The following ADCY7 variants were observed in gnomAD, a reference collection of about 807,000 sequenced individuals.
The protein encoded by ADCY7 is adenylate cyclase type 7.
In ADCY7, 72 loss-of-function variants were observed where a neutral mutation model predicts 120.6. The ratio of observed to expected loss-of-function variants is 0.60; its 90% confidence interval spans 0.49 to 0.73. The LOEUF (loss-of-function observed/expected upper bound fraction) is 0.73. Ranked by LOEUF, ADCY7 falls within the 30% of genes least tolerant of loss-of-function variation. The pLI, the probability that ADCY7 is intolerant of heterozygous loss-of-function variation, is 0.00. For synonymous variants in ADCY7, 661 were observed against 628.0 expected, an observed-to-expected ratio of 1.05 and a Z score of -0.78; for missense variants, 1,227 against 1,486.0, an observed-to-expected ratio of 0.83 and a Z score of 2.87.
intron 1 of ADCY7, among the ~76,000 whole-genome samples, chr16:50,273,245 A>G (rs902845094): frequency 2.0e-5 from 3 of 152,202 alleles, no homozygotes; most frequent in African/African-American, 7.2e-5. Context: ...ACTGAGGCCC[A>G]GAGAGGTTCA....
intron 10 of ADCY7, among the ~76,000 whole-genome samples, chr16:50,302,453 G>A (rs1411245649): frequency 1.3e-5 from 2 of 152,226 alleles, no homozygotes; most frequent in African/African-American, 4.8e-5. Flanking sequence ...ACTGCAGGCT[G>A]CCTGGGCCGA....
At chr16:50,278,700 A>T (rs2034057050) in intron 1 of ADCY7, among the ~76,000 whole-genome samples, 1 of 152,160 alleles carries the variant, frequency 6.6e-6, no homozygotes, top group South Asian at 2.1e-4. Flanking sequence ...TAATCCTGGT[A>T]TAAGTTGTGA....
At chr16:50,267,918 A>G (rs10852608) in intron 1 of ADCY7, among the ~76,000 whole-genome samples, 150,130 of 152,144 alleles carry the variant, frequency 0.99, 74,099 homozygotes, top group East Asian at 1. Flanking sequence ...CTTCCCACCC[A>G]GTTGTCTGTC....
chr16:50,307,124 C>A lies in ADCY7; in HGVS notation c.1827C>A (p.Leu609=). 1 of 1,612,102 alleles carries A rather than the reference C, an allele frequency of 6.2e-7. No individual in the cohort carries two copies. Among genetic ancestry groups the A allele is most frequent in the Non-Finnish European group, 8.5e-7 (1 of 1,180,002 alleles). ...GCCTGATCTTCGTCTGCATCCTGCT[C>A]GTCCATGTCCTGCTCATGCCCAGGT... ...CASLIFVCIL[L]VHVLLMPRTA... Residue 609 remains leucine (L), a synonymous_variant, in exon 15 of 26, where the codon CTC becomes CTA. Transcript: ENST00000673801.
At position 50,297,129 on chromosome 16, in the gene ADCY7, G is replaced by A. The variant is rs939230509; in HGVS notation, c.949-1775G>A. 1.3e-5 allele frequency among the ~76,000 whole-genome samples: 2 copies of A among 152,264 alleles called. No individual in the cohort carries two copies. The highest frequency in any genetic ancestry group is 4.8e-5 in the African/African-American group (2 of 41,470). ...CTATTGCACAGATGGGGAAAGGGAG[G>A]CCATGGCAGGTGCCAGCTTCCCAGT... is the stretch of plus-strand genomic sequence containing the variant. On this transcript the variant is annotated intron_variant, in intron 7 of 25. Transcript: ENST00000673801. The surrounding 1 kb of genome is among the most constrained non-coding windows in gnomAD (Gnocchi z 4.4).
chr16:50,261,141 C>T (rs577291140), intron 1 of ADCY7, among the ~76,000 whole-genome samples: 2 of 152,216 alleles, frequency 1.3e-5, no homozygotes, highest in Admixed American at 6.5e-5. Context: ...CCTCCATATA[C>T]GCTAGTTGTG....
In ADCY7 at chr16:50,315,487, G is replaced by C. The variant is rs1567587639; in HGVS notation, c.3225G>C (p.Gln1075His). The change falls in exon 26 of 26, where the codon CAG (glutamine) becomes CAC (histidine). Residue 1075 changes from glutamine (Q) to histidine (H), a missense_variant. Physicochemically the swap from Gln to His is conservative, Grantham distance 24. Coordinates refer to ENST00000673801, the MANE Select transcript of ADCY7 (RefSeq NM_001114.5). ...TCTGTACGGACACTGCCAAGTTTCA[G>C]GGGCTGGGGCTGAACTGAGGGCTCC... Reference protein sequence around the residue: ...YFVCTDTAKFQGLGLN With the variant: ...YFVCTDTAKFHGLGLN 6.2e-7 allele frequency: 1 copy of C among 1,612,984 alleles called. No individual in the cohort carries two copies. The highest frequency in any genetic ancestry group is 8.5e-7 in the Non-Finnish European group (1 of 1,178,988).
intron 1 of ADCY7, 68 bp from the exon 2 acceptor site, chr16:50,287,844 C>G (rs895549216): frequency 4.4e-5 from 13 of 295,604 alleles, no homozygotes; most frequent in Non-Finnish European, 5.6e-5. Context: ...GGGCCCCGCT[C>G]TCCCTGATGC....
At chr16:50,251,329 C>T (rs1226133404) in intron 1 of ADCY7, among the ~76,000 whole-genome samples, 3 of 152,218 alleles carry the variant, frequency 2.0e-5, no homozygotes, top group Admixed American at 6.5e-5. Flanking sequence ...CTTAAAACAG[C>T]CTCTGGCACT....
chr16:50,284,389 C>T (rs1027618070), intron 1 of ADCY7, among the ~76,000 whole-genome samples: 3 of 152,230 alleles, frequency 2.0e-5, no homozygotes, highest in African/African-American at 7.2e-5. Context: ...TGTGTTCCCA[C>T]GGGCCCTTGG....
chr16:50,247,912 G>A (rs1371764253), intron 1 of ADCY7, among the ~76,000 whole-genome samples: 2 of 152,150 alleles, frequency 1.3e-5, no homozygotes, highest in African/African-American at 2.4e-5. Context: ...TTACAGAGGA[G>A]AGCAGGGAGA....
chr16:50,287,928 G>A lies in ADCY7; in HGVS notation c.-252G>A. The A allele has an allele frequency of 4.6e-6, 2 of 437,274 alleles. No individual in the cohort carries two copies. The highest frequency in any genetic ancestry group is 3.7e-5 in the East Asian group (1 of 27,234). 27.1% of individuals were successfully genotyped at this position (437,274 alleles called of 1,614,324 possible). ...TCTCCGCAGAGCTGAGGAACTGCGT[G>A]TGGAGTCAGCCCAGTCTGGATGCAC... On this transcript the variant is annotated 5_prime_UTR_variant, in exon 2 of 26. It adds an upstream start codon to the 5' untranslated region. Coordinates refer to ENST00000673801, the MANE Select transcript of ADCY7 (RefSeq NM_001114.5).
At chr16:50,300,518 C>G (rs1596947183) in intron 8 of ADCY7, among the ~76,000 whole-genome samples, 197 bp from the exon 9 acceptor site, 2 of 152,214 alleles carry the variant, frequency 1.3e-5, no homozygotes, top group Non-Finnish European at 2.9e-5. Flanking sequence ...TGTGGCCACA[C>G]CTACTTGTAT....
rs376106152 is a variant in ADCY7 at position 50,314,982 on chromosome 16, C to T, written c.2972-32C>T. On this transcript the variant is annotated intron_variant, in intron 24 of 25. Transcript: ENST00000673801. The stretch of plus-strand genomic sequence containing the variant: ...GGGCAGAAGCTTGAGGCTTTGCCTG[C>T]ACGCTTGGGTAACTGTAAACATCAT... The T allele has an allele frequency of 1.7e-5, 28 of 1,612,720 alleles. No individual in the cohort carries two copies. The African/African-American group carries it at 2.4e-4, about 14-fold the overall frequency.
At chr16:50,245,508 A>AT (rs1041726049), upstream of ADCY7, among the ~76,000 whole-genome samples, 9 of 152,108 alleles carry the variant, frequency 5.9e-5, no homozygotes, top group South Asian at 2.1e-4. Flanking sequence ...AACAGAGCAG[A>AT]TTTTTTTTCT....
intron 1 of ADCY7, among the ~76,000 whole-genome samples, chr16:50,253,506 G>A (rs545188534): frequency 6.6e-6 from 1 of 152,224 alleles, no homozygotes; most frequent in Non-Finnish European, 1.5e-5. Context: ...CCCCTGCCGT[G>A]GCCTCCCAAA....
At chr16:50,308,439 C>T (rs767900643) in intron 16 of ADCY7, 28 bp downstream of exon 16, 1 of 1,613,302 alleles carries the variant, frequency 6.2e-7, no homozygotes, top group South Asian at 1.1e-5. Context: ...GCCCCGCGGG[C>T]CCTCCCTCCC....
At chr16:50,254,565 G>A (rs1000025031) in intron 1 of ADCY7, among the ~76,000 whole-genome samples, 3 of 152,290 alleles carry the variant, frequency 2.0e-5, no homozygotes, top group East Asian at 3.9e-4. Flanking sequence ...TAAATTCAAC[G>A]GAGAAGGTGA....
chr16:50,313,684 C>A (rs1343818465), intron 22 of ADCY7: 1 of 406,026 alleles, frequency 2.5e-6, no homozygotes. Context: ...ATCTACATTC[C>A]TGTGTAGATA....
Sources: allele counts gnomAD v4.1 joint callset (sites outside exome capture counted in the v4.1 genomes callset), GRCh38; gene constraint gnomAD v4.1.1; non-coding constraint Gnocchi (gnomAD v3.1); transcripts MANE v1.5; gene names NCBI Gene and HGNC (gene_info 2026-07-23, HGNC 2026-07-21).